Variants in WDR70 observed in about 807,000 individuals in gnomAD.
The protein encoded by WDR70 is WD repeat domain 70.
WDR70 carries 53 observed loss-of-function variants against 88.6 expected under a neutral mutation model. The observed-to-expected ratio is 0.60, with a 90% CI of 0.48 to 0.75. The LOEUF is 0.75. Ranked by LOEUF, WDR70 falls within the 30% of genes least tolerant of loss-of-function variation. WDR70 has a pLI of 0.00. For synonymous variants in WDR70, 280 were observed against 270.0 expected, an observed-to-expected ratio of 1.04 and a Z score of -0.36; for missense variants, 610 against 823.2, an observed-to-expected ratio of 0.74 and a Z score of 3.17.
chr5:37,440,401 A>T (rs1277499286), intron 6 of WDR70, among the ~76,000 whole-genome samples: 1 of 152,038 alleles, frequency 6.6e-6, no homozygotes. Flanking sequence ...GCTGGAGTGC[A>T]GTGGTGCCAT....
intron 10 of WDR70, among the ~76,000 whole-genome samples, chr5:37,659,595 T>G (rs1745647870): frequency 6.6e-6 from 1 of 152,200 alleles, no homozygotes; most frequent in Admixed American, 6.5e-5. Context: ...AACAAAATAC[T>G]TTAGACTGGG....
At chr5:37,644,090 C>T (rs888522083) in intron 10 of WDR70, among the ~76,000 whole-genome samples, 5 of 151,896 alleles carry the variant, frequency 3.3e-5, no homozygotes, top group Admixed American at 2.6e-4. Context: ...TTTCAGTTTT[C>T]CCCCTAATCA....
chr5:37,602,585 C>T (rs1743918271), intron 9 of WDR70, among the ~76,000 whole-genome samples: 1 of 150,512 alleles, frequency 6.6e-6, no homozygotes, highest in South Asian at 2.1e-4. Flanking sequence ...GAGATTGTGC[C>T]ACTACACTCC....
At chr5:37,401,396 A>G (rs1175802295) in intron 5 of WDR70, among the ~76,000 whole-genome samples, 1 of 147,160 alleles carries the variant, frequency 6.8e-6, no homozygotes, top group Non-Finnish European at 1.5e-5. Context: ...GCTCACTGCA[A>G]CCTCCGCCTC....
chr5:37,463,656 T>TCATGACTC (rs1178848539), intron 7 of WDR70, among the ~76,000 whole-genome samples: 1 of 152,244 alleles, frequency 6.6e-6, no homozygotes, highest in East Asian at 1.9e-4. Flanking sequence ...ATTCACTTCC[T>TCATGACTC]CATGACTCCG....
intron 8 of WDR70, among the ~76,000 whole-genome samples, chr5:37,501,463 GAC>G (rs1177983665): frequency 6.6e-6 from 1 of 151,950 alleles, no homozygotes; most frequent in East Asian, 1.9e-4. Flanking sequence ...ATTGTCTTGG[GAC>G]ACACATAAAA....
At chr5:37,730,762 A>T (rs1410798351) in intron 17 of WDR70, among the ~76,000 whole-genome samples, 1 of 152,098 alleles carries the variant, frequency 6.6e-6, no homozygotes, top group Admixed American at 6.5e-5. Context: ...AGAAAACTGG[A>T]TGCTGATTAC....
At chr5:37,704,747 C>A (rs1378163602) in intron 13 of WDR70, among the ~76,000 whole-genome samples, 2 of 152,096 alleles carry the variant, frequency 1.3e-5, no homozygotes, top group Non-Finnish European at 2.9e-5. Flanking sequence ...TTGGGAAGTG[C>A]AAGTAAGGCA....
intron 9 of WDR70, among the ~76,000 whole-genome samples, chr5:37,545,118 A>G (rs1030992663): frequency 6.6e-6 from 1 of 152,104 alleles, no homozygotes; most frequent in Non-Finnish European, 1.5e-5. Context: ...GACAATGTAG[A>G]CCTATTTATA....
intron 9 of WDR70, among the ~76,000 whole-genome samples, chr5:37,539,826 C>G (rs1581378360): frequency 6.6e-6 from 1 of 152,142 alleles, no homozygotes; most frequent in Non-Finnish European, 1.5e-5. Context: ...AATATTACAG[C>G]ACAGGAATAA....
rs572202899 is a variant in WDR70 at position 37,534,662 on chromosome 5, TAA to T, written c.917+18073_917+18074del. ...ACAGGCTCCCACCACCACACCTGGC[TAA>T]TTTTTGTATTTTTAGTAGAGTCTAG... On this transcript the variant is annotated intron_variant, in intron 9 of 17. Transcript: ENST00000265107. Among the ~76,000 whole-genome samples, 433 of 152,180 alleles carry T rather than the reference TAA, an allele frequency of 2.8e-3. 1 individual carries two copies. The highest frequency in any genetic ancestry group is 9.8e-3 in the African/African-American group (405 of 41,522).
chr5:37,634,583 A>G (rs1327379301), intron 10 of WDR70, among the ~76,000 whole-genome samples: 3 of 152,174 alleles, frequency 2.0e-5, no homozygotes, highest in East Asian at 3.9e-4. Context: ...GACAGATTGG[A>G]GGAAATAAGG....
At chr5:37,735,060 G>A (rs1316275829) in intron 17 of WDR70, among the ~76,000 whole-genome samples, 1 of 152,058 alleles carries the variant, frequency 6.6e-6, no homozygotes, top group Non-Finnish European at 1.5e-5. Context: ...TGTAAAATGT[G>A]AAAGCTTTTG....
chr5:37,512,758 T>C (rs1740758497), intron 8 of WDR70, among the ~76,000 whole-genome samples: 2 of 151,336 alleles, frequency 1.3e-5, no homozygotes, highest in African/African-American at 4.9e-5. Context: ...ATTTTTTTTC[T>C]TTTTTTTGTA....
intron 7 of WDR70, among the ~76,000 whole-genome samples, chr5:37,474,572 C>T (rs1739422045): frequency 6.6e-6 from 1 of 152,052 alleles, no homozygotes; most frequent in South Asian, 2.1e-4. Context: ...TAATCTTCAG[C>T]TTTTATTTTA....
In WDR70 at chr5:37,601,092, T is replaced by C. The variant is rs150761915; in HGVS notation, c.918-3972T>C. On this transcript the variant is annotated intron_variant, in intron 9 of 17. Coordinates refer to ENST00000265107, the MANE Select transcript of WDR70 (RefSeq NM_018034.4). ...AGAAATTGTCAAAGTGGGTATCCTTTTCTTGATCTTGGTTTTAGAGAAAAA... is the reference window on the plus strand; with the variant it reads ...AGAAATTGTCAAAGTGGGTATCCTTCTCTTGATCTTGGTTTTAGAGAAAAA... Among the ~76,000 whole-genome samples, 121 of 152,330 alleles carry C rather than the reference T, an allele frequency of 7.9e-4. 2 individuals carry two copies. The highest frequency in any genetic ancestry group is 7.7e-3 in the Admixed American group (118 of 15,298).
At chr5:37,583,203 G>GATC (rs1743268843) in intron 9 of WDR70, among the ~76,000 whole-genome samples, 1 of 152,152 alleles carries the variant, frequency 6.6e-6, no homozygotes, top group East Asian at 1.9e-4. Flanking sequence ...AAAGCAGGTG[G>GATC]ATCACGAGGT....
rs1738338289 is a variant in WDR70 at position 37,443,386 on chromosome 5, T to A, written c.686+14T>A. 6.2e-7 allele frequency: 1 copy of A among 1,612,788 alleles called. No individual in the cohort carries two copies. Among genetic ancestry groups the A allele is most frequent in the Non-Finnish European group, 8.5e-7 (1 of 1,179,542 alleles). On this transcript the variant is annotated intron_variant, in intron 7 of 17. Coordinates refer to ENST00000265107, the MANE Select transcript of WDR70 (RefSeq NM_018034.4). ...GCCCTGTGAGTGGTATGTATTCACTTACTTAATATCTTCATATTTGACCTA... is the reference window on the plus strand; with the variant it reads ...GCCCTGTGAGTGGTATGTATTCACTAACTTAATATCTTCATATTTGACCTA...
intron 13 of WDR70, among the ~76,000 whole-genome samples, chr5:37,707,483 G>T (rs988642116): frequency 6.6e-6 from 1 of 152,126 alleles, no homozygotes; most frequent in Non-Finnish European, 1.5e-5. Context: ...ATGAGGATAA[G>T]AAAGAATTAA....
Sources: gnomAD v4.1 joint callset for allele counts (sites outside exome capture counted in the v4.1 genomes callset) on GRCh38, gnomAD v4.1.1 for gene constraint, MANE v1.5 for transcripts, NCBI Gene and HGNC (gene_info 2026-07-23, HGNC 2026-07-21) for gene names.